The following ACTN2 variants were observed in gnomAD, a reference collection of about 807,000 sequenced individuals.
The protein encoded by ACTN2 is alpha-actinin-2.
In ACTN2, 39 loss-of-function variants were observed where a neutral mutation model predicts 113.8. The observed-to-expected ratio is 0.34, with a 90% CI of 0.27 to 0.45. The LOEUF (loss-of-function observed/expected upper bound fraction) is 0.45, where lower values mean the gene tolerates loss of function less well. Among genes scored for constraint, ACTN2 ranks in the 20% least tolerant of loss-of-function variants. The probability of loss-of-function intolerance (pLI) is 1.00; values close to 1 mark genes in which losing one functional copy is unlikely to be tolerated. For synonymous variants in ACTN2, 429 were observed against 444.1 expected (o/e 0.97, Z 0.43); for missense variants, 992 against 1,177.9 (o/e 0.84, Z 2.31).
In ACTN2 at chr1:236,742,801, T is replaced by G. The variant is rs899227032; in HGVS notation, c.1108-95T>G. Reference sequence around the variant, plus strand: ...AAACAAAAGGAAAACACCATCAAAATGTAGTGGAGGGATTTATAGAAGAAG... The same window carrying G: ...AAACAAAAGGAAAACACCATCAAAAGGTAGTGGAGGGATTTATAGAAGAAG... On this transcript the variant is annotated intron_variant, in intron 10 of 20. Coordinates refer to ENST00000366578, the MANE Select transcript of ACTN2 (RefSeq NM_001103.4). The G allele has an allele frequency of 9.6e-5, 141 of 1,462,410 alleles. No individual in the cohort carries two copies. In the African/African-American group the frequency reaches 1.7e-3, roughly 18 times the overall value. 90.6% of individuals were successfully genotyped at this position (1,462,410 alleles called of 1,614,324 possible).
chr1:236,726,801 T>A (rs1658562394), intron 5 of ACTN2, among the ~76,000 whole-genome samples: 1 of 152,142 alleles, frequency 6.6e-6, no homozygotes, highest in Non-Finnish European at 1.5e-5. Context: ...GGGAAGAGAA[T>A]CCTTCTTTGT....
At chr1:236,722,300 T>C (rs1445412669) in intron 4 of ACTN2, among the ~76,000 whole-genome samples, 3 of 151,642 alleles carry the variant, frequency 2.0e-5, no homozygotes, top group Non-Finnish European at 2.9e-5. Flanking sequence ...CTTTGAGGAG[T>C]GAGTTTCCTT....
chr1:236,748,356 C>T (rs910563783), intron 13 of ACTN2, among the ~76,000 whole-genome samples: 3 of 152,008 alleles, frequency 2.0e-5, no homozygotes. Context: ...TTGAGATAAC[C>T]CAATATCAAG....
intron 18 of ACTN2, among the ~76,000 whole-genome samples, chr1:236,758,085 T>C (rs1428004927): frequency 2.6e-5 from 4 of 152,188 alleles, no homozygotes; most frequent in Non-Finnish European, 4.4e-5. Flanking sequence ...AATTGATGCA[T>C]GATCTCTTTT....
At chr1:236,687,641 A>G (rs548978157) in intron 1 of ACTN2, among the ~76,000 whole-genome samples, 23 of 152,218 alleles carry the variant, frequency 1.5e-4, no homozygotes, top group African/African-American at 4.8e-4. Context: ...TTTTCCGCCT[A>G]TTTTTCTGGG....
intron 7 of ACTN2, among the ~76,000 whole-genome samples, chr1:236,731,881 C>T (rs1474935592): frequency 2.0e-5 from 3 of 152,098 alleles, no homozygotes; most frequent in Admixed American, 6.6e-5. Flanking sequence ...CAGTATCACT[C>T]ATTCTGGGGA....
Position 236,686,788 on chromosome 1 carries a change from C to A in ACTN2, c.115C>A (p.Gln39Lys). 1 of 1,523,676 alleles carries A rather than the reference C, an allele frequency of 6.6e-7. No homozygotes were observed. Among genetic ancestry groups the A allele is most frequent in the South Asian group, 1.2e-5 (1 of 80,122 alleles). The allele number at this position is 1,523,676 out of a possible 1,614,324, so 94.4% of individuals were successfully genotyped here. ...GCTCCTGGACCCAGCCTGGGAGAAG[C>A]AGCAGAGGAAGGTCAGCAGGGGCCC... ...DLLLDPAWEK[Q>K]QRKTFTAWCN... The change falls in exon 1 of 21, where the codon CAG becomes AAG. Residue 39 changes from glutamine (Q) to lysine (K), a missense_variant. This residue lies in a region of ACTN2 where 220 missense variants were observed against 337.5 expected (regional missense o/e 0.65). Coordinates refer to ENST00000366578, the MANE Select transcript of ACTN2 (RefSeq NM_001103.4).
Position 236,751,516 on chromosome 1 carries a change from C to G in ACTN2, c.1703C>G (p.Ala568Gly), listed in dbSNP as rs776805533. The G allele has an allele frequency of 2.5e-6, 4 of 1,613,984 alleles. No individual in the cohort carries two copies. The African/African-American group carries it at 4.0e-5, about 16-fold the overall frequency. ...CAGTTCAAGGCCACGCTGCCCGAGGCGGACGGAGAGCGGCAGTCCATCATG... is the reference window on the plus strand; with the variant it reads ...CAGTTCAAGGCCACGCTGCCCGAGGGGGACGGAGAGCGGCAGTCCATCATG... ...HEQFKATLPE[A>G]DGERQSIMAI... Residue 568 changes from alanine (A) to glycine (G), a missense_variant, in exon 15 of 21, where the codon GCG (alanine) becomes GGG (glycine). Coordinates refer to ENST00000366578, the MANE Select transcript of ACTN2 (RefSeq NM_001103.4).
At chr1:236,700,813 C>T (rs1265186970) in intron 1 of ACTN2, among the ~76,000 whole-genome samples, 4 of 152,182 alleles carry the variant, frequency 2.6e-5, no homozygotes, top group Non-Finnish European at 2.9e-5. Context: ...AGACTGCTTC[C>T]GGGGAATTTA....
intron 4 of ACTN2, among the ~76,000 whole-genome samples, chr1:236,722,760 A>G (rs995396396): frequency 6.6e-6 from 1 of 152,184 alleles, no homozygotes; most frequent in Non-Finnish European, 1.5e-5. Context: ...GCAATGAGAA[A>G]TGTTACTGCC....
intron 18 of ACTN2, among the ~76,000 whole-genome samples, chr1:236,759,107 A>G (rs551360341): frequency 4.6e-5 from 7 of 152,208 alleles, no homozygotes; most frequent in Non-Finnish European, 7.3e-5. Context: ...TAAGTAAAAA[A>G]TTATCCACAG....
At chr1:236,752,920 T>G (rs974381289) in intron 15 of ACTN2, among the ~76,000 whole-genome samples, 1 of 152,202 alleles carries the variant, frequency 6.6e-6, no homozygotes, top group Admixed American at 6.5e-5. Flanking sequence ...GCAAATGGAT[T>G]TTTGTTAAAG....
chr1:236,747,522 C>CT, intron 12 of ACTN2, 145 bp from the exon 13 acceptor site: 1 of 705,152 alleles, frequency 1.4e-6, no homozygotes, highest in Admixed American at 2.2e-5. Flanking sequence ...CCTCCACTGT[C>CT]TATCAGCCCA....
chr1:236,705,854 T>C (rs371537495), intron 1 of ACTN2, among the ~76,000 whole-genome samples: 34 of 152,342 alleles, frequency 2.2e-4, no homozygotes, highest in African/African-American at 7.2e-4. Context: ...TGTTATACAG[T>C]CTCAGAGCTT....
At chr1:236,732,170 G>T (rs1658728733) in intron 7 of ACTN2, among the ~76,000 whole-genome samples, 1 of 152,172 alleles carries the variant, frequency 6.6e-6, no homozygotes, top group Admixed American at 6.5e-5. Context: ...TTTGCTTTTG[G>T]TAATTGTATT....
intron 4 of ACTN2, among the ~76,000 whole-genome samples, chr1:236,721,249 A>G (rs1218357146): frequency 6.6e-6 from 1 of 151,104 alleles, no homozygotes; most frequent in African/African-American, 2.4e-5. Flanking sequence ...GATGGTCTCG[A>G]TCTCCTGAGC....
chr1:236,694,040 C>T (rs1657384239), intron 1 of ACTN2, among the ~76,000 whole-genome samples: 1 of 152,098 alleles, frequency 6.6e-6, no homozygotes, highest in South Asian at 2.1e-4. Context: ...CTCCCTCCTC[C>T]ACCTATCTTA....
chr1:236,715,280 T>C (rs1413687053), intron 1 of ACTN2, among the ~76,000 whole-genome samples: 1 of 150,120 alleles, frequency 6.7e-6, no homozygotes, highest in Non-Finnish European at 1.5e-5. Context: ...TAACATTAGG[T>C]ATCTCTCCTA....
intron 1 of ACTN2, among the ~76,000 whole-genome samples, chr1:236,710,018 C>T (rs762831164): frequency 3.9e-5 from 6 of 152,192 alleles, no homozygotes; most frequent in African/African-American, 7.2e-5. Flanking sequence ...GAAGCCAGCC[C>T]AGGCTTAGAA....
Sources: gnomAD v4.1 joint callset for allele counts (sites outside exome capture counted in the v4.1 genomes callset) on GRCh38, gnomAD v4.1.1 for gene constraint, gnomAD v4.1.1 regional missense constraint, MANE v1.5 for transcripts, NCBI Gene and HGNC (gene_info 2026-07-23, HGNC 2026-07-21) for gene names.